The following FZD3 variants were observed in gnomAD, a reference collection of about 807,000 sequenced individuals.
FZD3 encodes the protein frizzled class receptor 3, also known as frizzled-3.
A neutral mutation model predicts 60.7 loss-of-function variants in FZD3; 30 were observed. The ratio of observed to expected loss-of-function variants is 0.49; its 90% confidence interval spans 0.37 to 0.67. The LOEUF is 0.67. Among genes scored for constraint, FZD3 ranks in the 30% least tolerant of loss-of-function variants. The pLI is 0.00. For missense variants in FZD3, 605 were observed against 838.7 expected (o/e 0.72, Z 3.44); for synonymous variants, 246 against 275.2 (o/e 0.89, Z 1.05).
intron 3 of FZD3, among the ~76,000 whole-genome samples, chr8:28,504,188 C>A (rs1804076020): frequency 6.6e-6 from 1 of 152,068 alleles, no homozygotes; most frequent in South Asian, 2.1e-4. Flanking sequence ...GATTATTATT[C>A]ATAGATTTTG....
At chr8:28,551,973 T>G (rs1347971716) in intron 6 of FZD3, among the ~76,000 whole-genome samples, 2 of 152,218 alleles carry the variant, frequency 1.3e-5, no homozygotes, top group African/African-American at 4.8e-5. Context: ...CCAGGCCTCC[T>G]GTACTAATTC....
At chr8:28,555,682 T>G in intron 6 of FZD3, 56 bp from the exon 7 acceptor site, 1 of 960,466 alleles carries the variant, frequency 1.0e-6, no homozygotes, top group Non-Finnish European at 1.7e-6. Context: ...GAAGTATTGC[T>G]TATTGGTCTG....
intron 5 of FZD3, among the ~76,000 whole-genome samples, chr8:28,550,816 GT>G (rs1214173458): frequency 6.6e-6 from 1 of 151,672 alleles, no homozygotes; most frequent in Non-Finnish European, 1.5e-5. Context: ...TTTTCCTTAG[GT>G]TTGCTTTATT....
chr8:28,522,510 C>T lies in FZD3; in HGVS notation c.386+1676C>T, dbSNP rs75329759. 4.6e-3 allele frequency among the ~76,000 whole-genome samples: 705 copies of T among 152,232 alleles called. 24 individuals are homozygous for T. The East Asian group carries it at 0.09, about 19-fold the overall frequency. ...GTCTCCAGACACCTGGAAGTGTTTC[C>T]AGTCTCTCTTTTAGAAGTCTGTAAA... On this transcript the variant is annotated intron_variant, in intron 4 of 7. Transcript: ENST00000240093.
At chr8:28,557,064 C>T (rs558847508) in intron 7 of FZD3, among the ~76,000 whole-genome samples, 18 of 152,058 alleles carry the variant, frequency 1.2e-4, no homozygotes, top group Non-Finnish European at 2.5e-4. Context: ...AATTATATAG[C>T]CGGGTGTTGT....
chr8:28,542,110 T>A (rs868507675), intron 5 of FZD3, among the ~76,000 whole-genome samples: 11 of 131,944 alleles, frequency 8.3e-5, no homozygotes, highest in South Asian at 4.7e-4. Context: ...TTTTTTTTTT[T>A]AACTACTCCC....
chr8:28,539,256 C>T (rs1178493105), intron 5 of FZD3, among the ~76,000 whole-genome samples: 1 of 152,110 alleles, frequency 6.6e-6, no homozygotes, highest in East Asian at 1.9e-4. Context: ...CTCATAGGAG[C>T]GCGAACCCTG....
intron 5 of FZD3, among the ~76,000 whole-genome samples, chr8:28,533,702 G>A (rs1280347267): frequency 6.6e-6 from 1 of 152,062 alleles, no homozygotes; most frequent in Non-Finnish European, 1.5e-5. Flanking sequence ...TGATGGAAAG[G>A]GATGTTTTTT....
At chr8:28,495,775 G>A (rs540833590) in intron 1 of FZD3, among the ~76,000 whole-genome samples, 8 of 152,290 alleles carry the variant, frequency 5.3e-5, no homozygotes, top group South Asian at 2.1e-4. Context: ...GTAAGAGCTT[G>A]ACTGGGTGGG....
intron 7 of FZD3, among the ~76,000 whole-genome samples, chr8:28,556,521 A>G (rs1038074356): frequency 6.6e-6 from 1 of 152,242 alleles, no homozygotes; most frequent in Admixed American, 6.5e-5. Flanking sequence ...TGAGTACCTC[A>G]TATCAGCTTC....
At chr8:28,518,838 G>C (rs1804500210) in intron 3 of FZD3, among the ~76,000 whole-genome samples, 1 of 152,166 alleles carries the variant, frequency 6.6e-6, no homozygotes, top group Admixed American at 6.5e-5. Context: ...CCTTTAAAAA[G>C]TGGCTGTACG....
intron 4 of FZD3, 40 bp downstream of exon 4, chr8:28,520,874 T>A: frequency 1.5e-6 from 2 of 1,333,650 alleles, no homozygotes; most frequent in Non-Finnish European, 2.1e-6. Flanking sequence ...TTTCTTATGT[T>A]GCAATATGTT....
intron 3 of FZD3, among the ~76,000 whole-genome samples, chr8:28,517,925 T>C (rs893842838): frequency 6.6e-6 from 1 of 152,222 alleles, no homozygotes; most frequent in Non-Finnish European, 1.5e-5. Flanking sequence ...CAGTAATTTT[T>C]TACTAAGTGC....
At chr8:28,500,572 T>G (rs1028151523) in intron 2 of FZD3, among the ~76,000 whole-genome samples, 2 of 152,154 alleles carry the variant, frequency 1.3e-5, no homozygotes, top group Admixed American at 1.3e-4. Context: ...CCTTTAATTT[T>G]ATTTAGTTGC....
intron 5 of FZD3, among the ~76,000 whole-genome samples, chr8:28,550,963 C>T (rs947687531): frequency 1.1e-4 from 16 of 152,186 alleles, no homozygotes; most frequent in African/African-American, 3.6e-4. Context: ...CTTATTTTCA[C>T]ATTACTCTTT....
At chr8:28,512,816 GA>G (rs2130318506) in intron 3 of FZD3, among the ~76,000 whole-genome samples, 1 of 152,192 alleles carries the variant, frequency 6.6e-6, no homozygotes, top group Admixed American at 6.5e-5. Flanking sequence ...AACTTTGAAA[GA>G]CAAATTTTTT....
chr8:28,531,812 G>A (rs1041800828), intron 5 of FZD3, among the ~76,000 whole-genome samples: 2 of 151,838 alleles, frequency 1.3e-5, no homozygotes, highest in Non-Finnish European at 2.9e-5. Context: ...AATATTATTG[G>A]TTTTCTTTGT....
At chr8:28,508,159 C>T (rs904682076) in intron 3 of FZD3, among the ~76,000 whole-genome samples, 4 of 152,116 alleles carry the variant, frequency 2.6e-5, no homozygotes, top group African/African-American at 7.2e-5. Context: ...CTTCCCAAAG[C>T]ACTGGGATTA....
chr8:28,557,163 C>T (rs1563406666), intron 7 of FZD3, among the ~76,000 whole-genome samples: 1 of 146,840 alleles, frequency 6.8e-6, no homozygotes, highest in Non-Finnish European at 1.5e-5. Context: ...GAGCTGACAT[C>T]GTGCCACTGC....
Sources: allele counts gnomAD v4.1 joint callset (sites outside exome capture counted in the v4.1 genomes callset), GRCh38; gene constraint gnomAD v4.1.1; transcripts MANE v1.5; gene names NCBI Gene and HGNC (gene_info 2026-07-23, HGNC 2026-07-21).